The following ESR1 variants were observed in gnomAD, a reference collection of about 807,000 sequenced individuals.
The protein encoded by ESR1 is estrogen receptor 1, also known as estrogen receptor.
Under a neutral mutation model 52.7 loss-of-function variants are expected in ESR1, and 12 were observed. The ratio of observed to expected loss-of-function variants is 0.23; its 90% CI spans 0.15 to 0.37. ESR1 has a LOEUF of 0.37. ESR1 is among the 10% of genes least tolerant of loss of function. ESR1 has a pLI of 1.00. For missense variants in ESR1, 584 were observed against 779.7 expected, an observed-to-expected ratio of 0.75 and a Z score of 2.99; for synonymous variants, 305 against 316.8, an observed-to-expected ratio of 0.96 and a Z score of 0.39.
exon 7 of ESR1, chr6:152,129,151 A>G (rs1358216173): frequency 2.6e-5 from 4 of 152,260 alleles, no homozygotes; most frequent in African/African-American, 4.8e-5. Flanking sequence ...TTGCTGCCCT[A>G]AGAAACGATG....
intron 2 of ESR1, among the ~76,000 whole-genome samples, chr6:151,792,113 C>T (rs758306101): frequency 2.4e-4 from 37 of 152,122 alleles, no homozygotes; most frequent in Non-Finnish European, 3.4e-4. Context: ...CTGAATACTG[C>T]GGCAACTATA....
rs369577493 is a variant in ESR1 at position 151,981,896 on chromosome 6, T to G, written c.1097-29760T>G. On this transcript the variant is annotated intron_variant, in intron 4 of 7. Transcript: ENST00000206249. ...CATGTTTTCCTCAAAAGGGGACATA[T>G]TTCTTGGGTCAGATGTAAACATCAA... is the stretch of plus-strand genomic sequence containing the variant. 7.9e-5 allele frequency among the ~76,000 whole-genome samples: 12 copies of G among 152,336 alleles called. No individual in the cohort carries two copies. In the South Asian group the frequency reaches 2.5e-3, roughly 32 times the overall value.
intron 2 of ESR1, among the ~76,000 whole-genome samples, chr6:151,873,259 C>T (rs1365319911): frequency 3.3e-5 from 5 of 152,184 alleles, no homozygotes; most frequent in Non-Finnish European, 7.3e-5. Context: ...TGCTGTGTGG[C>T]TTAAATCAGG....
At chr6:151,725,268 A>T (rs1781755456) in intron 2 of ESR1, among the ~76,000 whole-genome samples, 1 of 152,134 alleles carries the variant, frequency 6.6e-6, no homozygotes, top group Non-Finnish European at 1.5e-5. Flanking sequence ...ATTGGAGCAT[A>T]GCTTTTGTGT....
chr6:151,669,147 G>GGAGAGAGAGAGAGAGAGA lies in ESR1; in HGVS notation n.73+12409_73+12426dup, dbSNP rs541895194. Among the ~76,000 whole-genome samples the GGAGAGAGAGAGAGAGAGA allele has an allele frequency of 1.1e-3, 73 of 69,292 alleles. 9 individuals carry two copies. Among genetic ancestry groups the GGAGAGAGAGAGAGAGAGA allele is most frequent in the African/African-American group, 5.4e-3 (65 of 11,968 alleles). 45.5% of individuals were successfully genotyped at this position (69,292 alleles called of 152,430 possible). On this transcript the variant is annotated intron_variant and non_coding_transcript_variant, in intron 1 of 2. Coordinates refer to the ESR1 transcript ENST00000473497. ...GTGGTAGGAAGCTCTTTGGGAGCTG[G>GGAGAGAGAGAGAGAGAGA]GAGAGAGAGAGAGAGAGAGAGAGAG...
rs1481001040 is a variant in ESR1, at chr6:151,726,945, G to A, written c.-71+24940G>A. Among the ~76,000 whole-genome samples the A allele has an allele frequency of 2.0e-5, 3 of 152,032 alleles. No individual in the cohort carries two copies. In the East Asian group the frequency reaches 5.8e-4, roughly 29 times the overall value. On this transcript the variant is annotated intron_variant, in intron 2 of 2. Transcript: ENST00000404742. ...TTCTTTTCTCACTCCTGATCGCAGG[G>A]CAGCATTTAACTTTTCACCATTATG...
chr6:151,823,777 C>G (rs1007268850), intron 1 of ESR1, among the ~76,000 whole-genome samples: 1 of 152,158 alleles, frequency 6.6e-6, no homozygotes, highest in African/African-American at 2.4e-5. Context: ...CAGCTTCATC[C>G]ATGTCCCTAC....
At chr6:151,696,718 A>T (rs992310666) in intron 1 of ESR1, among the ~76,000 whole-genome samples, 1 of 152,208 alleles carries the variant, frequency 6.6e-6, no homozygotes, top group Admixed American at 6.5e-5. Flanking sequence ...AGAGTAGCAC[A>T]CTACAATATG....
In ESR1 at chr6:151,988,644, G is replaced by C. The variant is rs2040728896; in HGVS notation, c.1097-23012G>C. Among the ~76,000 whole-genome samples, 3 of 151,956 alleles carry C rather than the reference G, an allele frequency of 2.0e-5. No homozygotes were observed. In the South Asian group the frequency reaches 6.2e-4, roughly 32 times the overall value. On this transcript the variant is annotated intron_variant, in intron 4 of 7. Coordinates refer to ENST00000206249, the MANE Select transcript of ESR1 (RefSeq NM_000125.4). Reference sequence around the variant, plus strand: ...TAATGTGTACTAGGCTTAATATCTGGGTGTTGAAATAATCTATACAACAAA... The same window carrying C: ...TAATGTGTACTAGGCTTAATATCTGCGTGTTGAAATAATCTATACAACAAA...
chr6:152,050,683 A>G (rs2046612420), intron 5 of ESR1, among the ~76,000 whole-genome samples: 2 of 152,346 alleles, frequency 1.3e-5, no homozygotes, highest in African/African-American at 4.8e-5. Flanking sequence ...AAGGCTGGGC[A>G]TGAGAGAGAC....
intron 4 of ESR1, among the ~76,000 whole-genome samples, chr6:151,962,372 C>T (rs1480178186): frequency 6.6e-6 from 1 of 151,966 alleles, no homozygotes; most frequent in African/African-American, 2.4e-5. Flanking sequence ...CCTGAGAGGA[C>T]CACGGGAGCA....
chr6:151,714,459 G>A (rs924297799), intron 2 of ESR1, among the ~76,000 whole-genome samples: 4 of 152,156 alleles, frequency 2.6e-5, no homozygotes, highest in Non-Finnish European at 5.9e-5. Context: ...CGCTATTATT[G>A]TGTGAGAATC....
chr6:152,006,009 A>T (rs145685317), intron 4 of ESR1, among the ~76,000 whole-genome samples: 67 of 152,076 alleles, frequency 4.4e-4, no homozygotes, highest in Non-Finnish European at 7.1e-4. Context: ...ATGATATGGG[A>T]TGGGGGTCAG....
chr6:151,872,820 T>C (rs559084546), intron 2 of ESR1, among the ~76,000 whole-genome samples: 31 of 152,140 alleles, frequency 2.0e-4, no homozygotes, highest in Non-Finnish European at 4.6e-4. Context: ...TCAATATCTT[T>C]CTCAGAGTGT....
chr6:151,873,069 TCAGACAGTTG>T (rs1309048773), intron 2 of ESR1, among the ~76,000 whole-genome samples: 2 of 152,210 alleles, frequency 1.3e-5, no homozygotes, highest in Non-Finnish European at 2.9e-5. Context: ...CACTTGGTGG[TCAGACAGTTG>T]CAGAGATTCC....
intron 6 of ESR1, chr6:152,122,333 G>C (rs2250122): frequency 2.5e-6 from 4 of 1,594,992 alleles, no homozygotes; most frequent in Non-Finnish European, 3.4e-6. Flanking sequence ...GCCACACCGA[G>C]GGCTTTCGCC....
At chr6:152,079,201 T>C (rs2048992528) in intron 6 of ESR1, among the ~76,000 whole-genome samples, 1 of 152,160 alleles carries the variant, frequency 6.6e-6, no homozygotes, top group Non-Finnish European at 1.5e-5. Flanking sequence ...CTGACCCCCA[T>C]GTAGCCTGAC....
At chr6:151,775,550 A>G (rs1785892884) in intron 2 of ESR1, among the ~76,000 whole-genome samples, 1 of 152,084 alleles carries the variant, frequency 6.6e-6, no homozygotes, top group African/African-American at 2.4e-5. Flanking sequence ...GATCGAGACC[A>G]TCCTGGCTAA....
At chr6:152,037,889 C>T (rs1190407470) in intron 5 of ESR1, among the ~76,000 whole-genome samples, 1 of 152,078 alleles carries the variant, frequency 6.6e-6, no homozygotes, top group African/African-American at 2.4e-5. Context: ...TCAACACTTT[C>T]CTAGGTGTAT....
Sources: allele counts gnomAD v4.1 joint callset (sites outside exome capture counted in the v4.1 genomes callset), GRCh38; gene constraint gnomAD v4.1.1; transcripts MANE v1.5; gene names NCBI Gene and HGNC (gene_info 2026-07-23, HGNC 2026-07-21).